The following MTOR variants were observed in gnomAD, a reference collection of about 807,000 sequenced individuals.
MTOR encodes serine/threonine-protein kinase mTOR.
A neutral mutation model predicts 319.8 loss-of-function variants in MTOR; 70 were observed. The ratio of observed to expected loss-of-function variants is 0.22; its 90% confidence interval spans 0.18 to 0.27. The LOEUF (loss-of-function observed/expected upper bound fraction) is 0.27, where lower values mean the gene tolerates loss of function less well. Among genes scored for constraint, MTOR ranks in the 10% least tolerant of loss-of-function variants. The probability of loss-of-function intolerance (pLI) is 1.00; values close to 1 mark genes in which losing one functional copy is unlikely to be tolerated. For synonymous variants in MTOR, 1,183 were observed against 1,211.4 expected, an observed-to-expected ratio of 0.98 and a Z score of 0.49; for missense variants, 1,890 against 3,274.4, an observed-to-expected ratio of 0.58 and a Z score of 10.32.
chr1:11,134,873 A>G (rs575724883), intron 36 of MTOR, among the ~76,000 whole-genome samples: 1 of 152,346 alleles, frequency 6.6e-6, no homozygotes, highest in East Asian at 1.9e-4. Flanking sequence ...TTTGTTTACA[A>G]CACCAGGGTA....
At chr1:11,226,363 A>T (rs747256188) in intron 19 of MTOR, 1 of 152,172 alleles carries the variant, frequency 6.6e-6, no homozygotes, top group South Asian at 2.1e-4. Flanking sequence ...GTATTTTTTT[A>T]AAAATAAAAA....
At chr1:11,108,347 C>T (rs113014873) in intron 56 of MTOR, 61 bp from the exon 57 acceptor site, 7 of 1,290,114 alleles carry the variant, frequency 5.4e-6, no homozygotes, top group Non-Finnish European at 7.9e-6. Context: ...ACTTCTTGTT[C>T]CCTGTGGGCT....
At chr1:11,131,108 A>C (rs1210049483) in intron 38 of MTOR, 1 of 348,394 alleles carries the variant, frequency 2.9e-6, no homozygotes, top group Non-Finnish European at 5.3e-6. Flanking sequence ...TCTGCAAGGC[A>C]CAATGGGAGT....
chr1:11,249,757 T>A (rs1023889010), intron 6 of MTOR, among the ~76,000 whole-genome samples: 1 of 145,330 alleles, frequency 6.9e-6, no homozygotes, highest in African/African-American at 2.5e-5. Flanking sequence ...ATCAACAGGA[T>A]CCCAAGGCAG....
At chr1:11,156,506 T>C (rs995235135) in intron 30 of MTOR, among the ~76,000 whole-genome samples, 4 of 152,138 alleles carry the variant, frequency 2.6e-5, no homozygotes, top group Non-Finnish European at 4.4e-5. Context: ...GTTTCCCCCC[T>C]ACCTTCTCCT....
rs771168914 is a variant in MTOR at position 11,106,921 on chromosome 1, G to A, written c.*564C>T. The A allele has an allele frequency of 2.2e-6, 3 of 1,369,366 alleles. No individual in the cohort carries two copies. Among genetic ancestry groups the A allele is most frequent in the South Asian group, 2.5e-5 (2 of 81,624 alleles). The allele number at this position is 1,369,366 out of a possible 1,614,324, so 84.8% of individuals were successfully genotyped here. On this transcript the variant is annotated 3_prime_UTR_variant, in exon 58 of 58. Coordinates refer to ENST00000361445, the MANE Select transcript of MTOR (RefSeq NM_004958.4). ...AGTCGCAGCATCACTGGGTCTGATG[G>A]AAGACAGACCTTTTGTACTCATTTT...
chr1:11,178,154 T>C (rs1223435320), intron 28 of MTOR, among the ~76,000 whole-genome samples: 3 of 152,328 alleles, frequency 2.0e-5, no homozygotes, highest in South Asian at 2.1e-4. Flanking sequence ...GCACTCTCTA[T>C]GCTAAGTGAA....
chr1:11,259,718 G>A (rs1051867777), intron 1 of MTOR, among the ~76,000 whole-genome samples: 1 of 152,128 alleles, frequency 6.6e-6, no homozygotes, highest in Non-Finnish European at 1.5e-5. Flanking sequence ...TGAGCCTGGA[G>A]GACCACCTGA....
intron 20 of MTOR, 47 bp downstream of exon 20, chr1:11,216,101 T>C: frequency 2.1e-6 from 3 of 1,437,490 alleles, no homozygotes; most frequent in Non-Finnish European, 2.9e-6. Context: ...TTCTGAGCCT[T>C]CCTTGACCCA....
intron 14 of MTOR, 43 bp downstream of exon 14, chr1:11,234,100 T>C: frequency 1.9e-6 from 3 of 1,613,702 alleles, no homozygotes; most frequent in Non-Finnish European, 2.5e-6. Context: ...TATGAGCTGA[T>C]GACAACGCAC....
At chr1:11,177,601 G>A (rs1469602550) in intron 28 of MTOR, among the ~76,000 whole-genome samples, 1 of 152,030 alleles carries the variant, frequency 6.6e-6, no homozygotes, top group Non-Finnish European at 1.5e-5. Context: ...GCTCAGAGTG[G>A]CCTAAAAATA....
rs1432023445 is a variant in MTOR, at chr1:11,234,216, C to T, written c.2258G>A (p.Ser753Asn). Residue 753 changes from serine (S) to asparagine (N), a missense_variant, in exon 14 of 58, where the codon AGT becomes AAT. This residue lies in a region of MTOR where 377 missense variants were observed against 653.9 expected (regional missense o/e 0.58). Transcript: ENST00000361445. ...GACCAGGTGCCCCAGCATGCGGGCA[C>T]TCTGCTCTTTGATTCTTCCAATCCC... ...HSGIGRIKEQ[S>N]ARMLGHLVSN... 1 of 1,614,130 alleles carries T rather than the reference C, an allele frequency of 6.2e-7. No homozygotes were observed. The highest frequency in any genetic ancestry group is 1.7e-5 in the Admixed American group (1 of 60,020).
intron 30 of MTOR, among the ~76,000 whole-genome samples, chr1:11,152,767 G>A (rs539776440): frequency 2.0e-5 from 3 of 152,240 alleles, no homozygotes; most frequent in African/African-American, 4.8e-5. Flanking sequence ...CAGGATATAC[G>A]CACACAAAAG....
chr1:11,206,469 A>G (rs1646142281), intron 25 of MTOR, among the ~76,000 whole-genome samples: 1 of 152,180 alleles, frequency 6.6e-6, no homozygotes, highest in Non-Finnish European at 1.5e-5. Flanking sequence ...CCACATCTGT[A>G]AAGTGGGACA....
At chr1:11,156,500 C>T (rs1644322883) in intron 30 of MTOR, among the ~76,000 whole-genome samples, 1 of 152,096 alleles carries the variant, frequency 6.6e-6, no homozygotes, top group Admixed American at 6.5e-5. Flanking sequence ...GTACCTGTTT[C>T]CCCCCTACCT....
chr1:11,113,063 A>G, intron 53 of MTOR, 146 bp from the exon 54 acceptor site: 2 of 812,476 alleles, frequency 2.5e-6, no homozygotes, highest in Non-Finnish European at 3.9e-6. Context: ...ACTCAGGAAT[A>G]AGTGGGTGGG....
intron 29 of MTOR, among the ~76,000 whole-genome samples, chr1:11,162,299 G>A (rs111551852): frequency 0.03 from 4,556 of 152,240 alleles, 169 homozygotes; most frequent in Admixed American, 0.071. Context: ...CCAAATCTAC[G>A]TCTGACTGGT....
chr1:11,198,078 A>C (rs951236159), intron 28 of MTOR, among the ~76,000 whole-genome samples: 5 of 152,214 alleles, frequency 3.3e-5, no homozygotes, highest in Non-Finnish European at 7.3e-5. Flanking sequence ...CAGGTGAGCA[A>C]GGAAATTAAT....
At chr1:11,174,217 C>T (rs374636303) in intron 28 of MTOR, among the ~76,000 whole-genome samples, 4 of 152,212 alleles carry the variant, frequency 2.6e-5, no homozygotes, top group Non-Finnish European at 5.9e-5. Context: ...GAGGGACAGG[C>T]GGTGTCTTAG....
Sources: allele counts gnomAD v4.1 joint callset (sites outside exome capture counted in the v4.1 genomes callset), GRCh38; gene constraint gnomAD v4.1.1; regional missense constraint gnomAD v4.1.1; transcripts MANE v1.5; gene names NCBI Gene and HGNC (gene_info 2026-07-23, HGNC 2026-07-21).